TNRC6B: variants seen among roughly 807,000 people sequenced by gnomAD.
TNRC6B encodes the protein trinucleotide repeat-containing gene 6B protein.
In TNRC6B, 52 loss-of-function variants were observed where a neutral mutation model predicts 203.6. The observed-to-expected ratio is 0.26, with a 90% CI of 0.20 to 0.32. The LOEUF (loss-of-function observed/expected upper bound fraction) is 0.32. Ranked by LOEUF, TNRC6B falls within the 10% of genes least tolerant of loss-of-function variation. The pLI, the probability that TNRC6B is intolerant of heterozygous loss-of-function variation, is 1.00. For synonymous variants in TNRC6B, 838 were observed against 845.7 expected, an observed-to-expected ratio of 0.99 and a Z score of 0.16; for missense variants, 1,923 against 2,286.2, an observed-to-expected ratio of 0.84 and a Z score of 3.24.
At chr22:40,308,686 C>A in intron 16 of TNRC6B, 37 bp downstream of exon 16, 1 of 1,576,236 alleles carries the variant, frequency 6.3e-7, no homozygotes, top group South Asian at 1.2e-5. Context: ...CCCCAACCCA[C>A]AGCAGGTCTT....
In TNRC6B at chr22:40,142,006, C is replaced by A. The variant is rs2068648614; in HGVS notation, c.46-14109C>A. Among the ~76,000 whole-genome samples, 4 of 151,544 alleles carry A rather than the reference C, an allele frequency of 2.6e-5. No individual in the cohort carries two copies. In the South Asian group the frequency reaches 8.3e-4, roughly 32 times the overall value. On this transcript the variant is annotated intron_variant, in intron 3 of 23. Coordinates refer to the TNRC6B transcript ENST00000301923. ...TGATCTCCTGACCTCATGATCCACC[C>A]ACCTCGGCCTCCCAAAGTGCTGGGA...
intron 4 of TNRC6B, among the ~76,000 whole-genome samples, chr22:40,169,688 G>A (rs2068953090): frequency 6.6e-6 from 1 of 152,076 alleles, no homozygotes. Flanking sequence ...ACAGAAACCA[G>A]GAAGAGCTTC....
At chr22:40,129,532 CATA>C (rs1380020256) in intron 3 of TNRC6B, among the ~76,000 whole-genome samples, 1 of 152,106 alleles carries the variant, frequency 6.6e-6, no homozygotes, top group Non-Finnish European at 1.5e-5. Context: ...CCTTTTGCAT[CATA>C]GAAATCAAAA....
At chr22:40,301,899 A>C (rs1428808301) in intron 15 of TNRC6B, among the ~76,000 whole-genome samples, 1 of 152,326 alleles carries the variant, frequency 6.6e-6, no homozygotes, top group Non-Finnish European at 1.5e-5. Flanking sequence ...TACCGCCGGG[A>C]ATTTTTAAAA....
At chr22:40,261,356 A>T (rs1483758198) in intron 3 of TNRC6B, among the ~76,000 whole-genome samples, 1 of 152,118 alleles carries the variant, frequency 6.6e-6, no homozygotes, top group East Asian at 1.9e-4. Flanking sequence ...AGGCAGGCGG[A>T]TCATGAGGTC....
intron 3 of TNRC6B, among the ~76,000 whole-genome samples, chr22:40,152,389 C>A (rs773688737): frequency 2.6e-5 from 4 of 152,204 alleles, no homozygotes; most frequent in Non-Finnish European, 5.9e-5. Context: ...TGCAGTGGCA[C>A]GATCTCGGCT....
At chr22:40,314,422 C>G (rs774967863) in intron 19 of TNRC6B, among the ~76,000 whole-genome samples, 1 of 152,202 alleles carries the variant, frequency 6.6e-6, no homozygotes, top group Non-Finnish European at 1.5e-5. Flanking sequence ...CATGCTGAAT[C>G]AGTTGCAAAA....
At chr22:40,100,179 C>G (rs1283700953) in intron 1 of TNRC6B, among the ~76,000 whole-genome samples, 2 of 151,772 alleles carry the variant, frequency 1.3e-5, no homozygotes, top group Admixed American at 6.6e-5. Context: ...CTCCACCTTC[C>G]AGGTTCAAAT....
intron 20 of TNRC6B, among the ~76,000 whole-genome samples, 162 bp downstream of exon 20, chr22:40,315,669 G>T (rs532060123): frequency 3.3e-5 from 5 of 152,172 alleles, no homozygotes; most frequent in African/African-American, 1.2e-4. Context: ...AGTGAAAGTC[G>T]CAGTCAGTAT....
intron 19 of TNRC6B, among the ~76,000 whole-genome samples, chr22:40,314,654 G>A (rs1202938592): frequency 6.6e-6 from 1 of 152,188 alleles, no homozygotes; most frequent in Non-Finnish European, 1.5e-5. Context: ...TTGAGCTTAC[G>A]TGATGATGTT....
intron 1 of TNRC6B, among the ~76,000 whole-genome samples, chr22:40,054,102 A>AG (rs2067772962): frequency 6.6e-6 from 1 of 152,186 alleles, no homozygotes; most frequent in Non-Finnish European, 1.5e-5. Flanking sequence ...CTGTAGTCCC[A>AG]GCTACTCAGG....
chr22:40,288,106 C>T (rs1569055364), intron 12 of TNRC6B, among the ~76,000 whole-genome samples: 1 of 152,246 alleles, frequency 6.6e-6, no homozygotes. Context: ...AATGCACACA[C>T]ACTGTCTTAG....
intron 17 of TNRC6B, among the ~76,000 whole-genome samples, chr22:40,311,420 G>A (rs971703599): frequency 1.3e-5 from 2 of 152,152 alleles, no homozygotes; most frequent in African/African-American, 4.8e-5. Flanking sequence ...ATAGAAAAAT[G>A]AGAACATTTA....
intron 1 of TNRC6B, among the ~76,000 whole-genome samples, chr22:40,056,561 G>T (rs1218493684): frequency 6.6e-6 from 1 of 152,124 alleles, no homozygotes. Flanking sequence ...TGGGAAGCCA[G>T]AGTAAGAGGA....
At chr22:40,221,727 C>T (rs1334217418) in intron 1 of TNRC6B, among the ~76,000 whole-genome samples, 1 of 151,370 alleles carries the variant, frequency 6.6e-6, no homozygotes, top group Non-Finnish European at 1.5e-5. Context: ...GTGTGAGCCA[C>T]CACACCTGGC....
At chr22:40,049,086 A>G (rs1158059894) in intron 1 of TNRC6B, among the ~76,000 whole-genome samples, 1 of 152,044 alleles carries the variant, frequency 6.6e-6, no homozygotes, top group African/African-American at 2.4e-5. Context: ...TATTTAAAAC[A>G]TTTATACACT....
chr22:40,315,978 G>A lies in TNRC6B; in HGVS notation c.4940G>A (p.Ser1647Asn). The A allele has an allele frequency of 6.2e-7, 1 of 1,613,872 alleles. No individual in the cohort carries two copies. The change falls in exon 21 of 23, where the codon AGT becomes AAT. Residue 1647 changes from serine (S) to asparagine (N), a missense_variant. Ser to Asn is a conservative substitution (Grantham distance 46). Transcript: ENST00000454349. ...AGTGATGGTGGCTCAGTTCGTCCTA[G>A]TTACTGGCTGGTTCTTCACAATCTC... Reference protein sequence around the residue: ...TWSDGGSVRPSYWLVLHNLTP... With the variant: ...TWSDGGSVRPNYWLVLHNLTP...
At chr22:40,080,830 CTTTTT>C (rs1436576966) in intron 1 of TNRC6B, among the ~76,000 whole-genome samples, 1 of 146,028 alleles carries the variant, frequency 6.8e-6, no homozygotes, top group African/African-American at 2.6e-5. Flanking sequence ...AACTTTCTTT[CTTTTT>C]TGTTTTTTTT....
chr22:40,078,467 T>C (rs1003324745), intron 1 of TNRC6B, among the ~76,000 whole-genome samples: 1 of 152,198 alleles, frequency 6.6e-6, no homozygotes, highest in African/African-American at 2.4e-5. Flanking sequence ...AAGGTTGCAG[T>C]GAGCCCTGAT....
Sources: gnomAD v4.1 joint callset for allele counts (sites outside exome capture counted in the v4.1 genomes callset) on GRCh38, gnomAD v4.1.1 for gene constraint, MANE v1.5 for transcripts, NCBI Gene and HGNC (gene_info 2026-07-23, HGNC 2026-07-21) for gene names.